MKNK2: variants seen among roughly 807,000 people sequenced by gnomAD.
The protein encoded by MKNK2 is MAP kinase-interacting serine/threonine-protein kinase 2.
A neutral mutation model predicts 55.0 loss-of-function variants in MKNK2; 54 were observed. The ratio of observed to expected loss-of-function variants is 0.98; its 90% CI spans 0.79 to 1.23. The LOEUF is 1.23. MKNK2 is among the 50% of genes most tolerant of loss of function. The pLI is 0.00. For synonymous variants in MKNK2, 323 were observed against 256.0 expected, an observed-to-expected ratio of 1.26 and a Z score of -2.50; for missense variants, 685 against 632.1, an observed-to-expected ratio of 1.08 and a Z score of -0.90.
In MKNK2 at chr19:2,046,232, A is replaced by C; in HGVS notation, c.293T>G (p.Val98Gly). 1 of 1,607,574 alleles carries C rather than the reference A, an allele frequency of 6.2e-7. No homozygotes were observed. Among genetic ancestry groups the C allele is most frequent in the Non-Finnish European group, 8.5e-7 (1 of 1,179,924 alleles). Residue 98 changes from valine (V) to glycine (G), a missense_variant, in exon 5 of 14, where the codon GTG becomes GGG. Val to Gly is a moderately radical substitution (Grantham distance 109). Transcript: ENST00000250896. ...GGTGATCAGGTTGATGCAGGTCTGC[A>C]CTCGGGCATGAGCGCCCTCCCCCAG... ...DVLGEGAHAR[V>G]QTCINLITSQ...
Position 2,039,577 on chromosome 19 carries a change from G to A in MKNK2, c.*36C>T. The A allele has an allele frequency of 1.3e-6, 2 of 1,576,062 alleles. No homozygotes were observed. Among genetic ancestry groups the A allele is most frequent in the Non-Finnish European group, 1.7e-6 (2 of 1,156,602 alleles). ...AAAAAACCTTTAGATTTGATTGGGG[G>A]ACGGGTGACCTATGTACAGAGGGGA... On this transcript the variant is annotated 3_prime_UTR_variant, in exon 14 of 14. Transcript: ENST00000250896.
At chr19:2,045,559 C>T (rs117826174) in intron 5 of MKNK2, among the ~76,000 whole-genome samples, 2,981 of 152,150 alleles carry the variant, frequency 0.02, 50 homozygotes, top group South Asian at 0.04. Context: ...CTAGCCTGGC[C>T]GTCCACCAGG....
chr19:2,039,290 TG>T lies in MKNK2; in HGVS notation c.*322del. 8.4e-7 allele frequency: 1 copy of T among 1,193,712 alleles called. No individual in the cohort carries two copies. Among genetic ancestry groups the T allele is most frequent in the Non-Finnish European group, 1.0e-6 (1 of 957,646 alleles). 73.9% of individuals were successfully genotyped at this position (1,193,712 alleles called of 1,614,324 possible). The stretch of plus-strand genomic sequence containing the variant: ...CAGATGGCGGGCAGCACAGGTGACC[TG>T]GGGGCACCTTCATAGTAGAGGTGAG... On this transcript the variant is annotated 3_prime_UTR_variant, in exon 14 of 14. Coordinates refer to ENST00000250896, the MANE Select transcript of MKNK2 (RefSeq NM_199054.3).
In MKNK2 at chr19:2,046,375, C is replaced by G; in HGVS notation, c.233G>C (p.Arg78Thr). 1.2e-6 allele frequency: 2 copies of G among 1,607,964 alleles called. No individual in the cohort carries two copies. The highest frequency in any genetic ancestry group is 1.7e-6 in the Non-Finnish European group (2 of 1,179,798). Residue 78 changes from arginine (R) to threonine (T), a missense_variant, in exon 4 of 14, where the codon AGG (arginine) becomes ACG (threonine). Physicochemically the swap from Arg to Thr is moderately conservative, Grantham distance 71. Transcript: ENST00000250896. ...RGRATDSFSGRFEDVYQLQED... is the reference protein window; with the variant it reads ...RGRATDSFSGTFEDVYQLQED... ...CCGCCATCCCCGCTCACCTTCAAAC[C>G]TGCCCGAGAAGCTGTCGGTGGCCCG...
Position 2,038,078 on chromosome 19 carries a change from T to A in MKNK2, c.*1535A>T. 2.6e-6 allele frequency: 3 copies of A among 1,167,532 alleles called. No homozygotes were observed. The highest frequency in any genetic ancestry group is 3.2e-5 in the African/African-American group (2 of 62,818). The allele number at this position is 1,167,532 out of a possible 1,614,324, so 72.3% of individuals were successfully genotyped here. ...AGGGGCAGTCCACAGATATGGGCAG[T>A]GGGGACCAGGGAAGGCAGAGCACCC... On this transcript the variant is annotated 3_prime_UTR_variant, in exon 14 of 14. Transcript: ENST00000250896.
At chr19:2,043,815 A>G (rs981535429) in intron 5 of MKNK2, among the ~76,000 whole-genome samples, 1 of 152,008 alleles carries the variant, frequency 6.6e-6, no homozygotes, top group Non-Finnish European at 1.5e-5. Context: ...CTCTACTGAA[A>G]ATATAAAAAT....
Position 2,038,809 on chromosome 19 carries a change from T to C in MKNK2, c.*804A>G. The C allele has an allele frequency of 1.0e-6, 1 of 985,634 alleles. No individual in the cohort carries two copies. The highest frequency in any genetic ancestry group is 1.7e-5 in the African/African-American group (1 of 57,332). The allele number at this position is 985,634 out of a possible 1,614,324, so 61.1% of individuals were successfully genotyped here. On this transcript the variant is annotated 3_prime_UTR_variant, in exon 14 of 14. Coordinates refer to ENST00000250896, the MANE Select transcript of MKNK2 (RefSeq NM_199054.3). Reference sequence around the variant, plus strand: ...TCTGCCTGCTGCGGTGGAAACGGCTTCGGGCCAGGCGGGGCTCCTGCTGTC... The same window carrying C: ...TCTGCCTGCTGCGGTGGAAACGGCTCCGGGCCAGGCGGGGCTCCTGCTGTC...
chr19:2,046,561 G>T (rs771621903), intron 3 of MKNK2, 43 bp downstream of exon 3: 18 of 1,551,240 alleles, frequency 1.2e-5, no homozygotes, highest in Non-Finnish European at 1.5e-5. Flanking sequence ...CCATGGCAGC[G>T]ACAGCAGCTG....
At chr19:2,045,075 C>T (rs1272242808) in intron 5 of MKNK2, among the ~76,000 whole-genome samples, 1 of 152,206 alleles carries the variant, frequency 6.6e-6, no homozygotes, top group Non-Finnish European at 1.5e-5. Context: ...ACCTCCTCCT[C>T]CCACTGCCAC....
At position 2,038,497 on chromosome 19, in the gene MKNK2, C is replaced by T; in HGVS notation, c.*1116G>A. ...ATGGAGGGTGGGGGGACTGAGCAGA[C>T]CCCCGCATTCCTGGGTGCCCGAAGG... On this transcript the variant is annotated 3_prime_UTR_variant, in exon 14 of 14. Transcript: ENST00000250896. 2.0e-6 allele frequency: 2 copies of T among 985,552 alleles called. No homozygotes were observed. The highest frequency in any genetic ancestry group is 1.2e-6 in the Non-Finnish European group (1 of 829,966). The allele number at this position is 985,552 out of a possible 1,614,324, so 61.1% of individuals were successfully genotyped here.
Position 2,042,750 on chromosome 19 carries a change from CG to C in MKNK2, c.598+15del. On this transcript the variant is annotated intron_variant, in intron 8 of 13. Coordinates refer to ENST00000250896, the MANE Select transcript of MKNK2 (RefSeq NM_199054.3). ...GCAGGCGGCCCTAGGAGACTCCGGG[CG>C]GGGTCACCACCTACCTTTGTTATGC... is the stretch of plus-strand genomic sequence containing the variant. 6.4e-7 allele frequency: 1 copy of C among 1,557,796 alleles called. No homozygotes were observed. Among genetic ancestry groups the C allele is most frequent in the Non-Finnish European group, 8.7e-7 (1 of 1,147,814 alleles).
Position 2,050,961 on chromosome 19 carries a change from C to G in MKNK2, c.-96-14G>C, listed in dbSNP as rs1470553929. The G allele has an allele frequency of 4.4e-6, 3 of 689,252 alleles. No homozygotes were observed. The highest frequency in any genetic ancestry group is 6.7e-6 in the Non-Finnish European group (3 of 449,488). 42.7% of individuals were successfully genotyped at this position (689,252 alleles called of 1,614,324 possible). ...GAGGAGGGGACCCTGCGGGCGGGAGCAGACAAAGGGAGGGCGGTGAGCGGA... is the reference window on the plus strand; with the variant it reads ...GAGGAGGGGACCCTGCGGGCGGGAGGAGACAAAGGGAGGGCGGTGAGCGGA... On this transcript the variant is annotated splice_polypyrimidine_tract_variant and intron_variant, in intron 1 of 13. Transcript: ENST00000250896.
chr19:2,050,422 A>G (rs1342089405), intron 2 of MKNK2, among the ~76,000 whole-genome samples: 2 of 152,148 alleles, frequency 1.3e-5, no homozygotes, highest in African/African-American at 4.8e-5. Flanking sequence ...CTTGCAGGGG[A>G]CACCCCCCAT....
rs199520689 is a variant in MKNK2, at chr19:2,037,847, AAAAC to A, written c.*1762_*1765del. On this transcript the variant is annotated 3_prime_UTR_variant, in exon 14 of 14. Coordinates refer to ENST00000250896, the MANE Select transcript of MKNK2 (RefSeq NM_199054.3). ...TGTCCCACCTTCAGAAAAAAAAAAA[AAAAC>A]AAACAAACAAACGCTGCTAGCCACT... is the stretch of plus-strand genomic sequence containing the variant. The A allele has an allele frequency of 2.5e-3, 3,734 of 1,512,236 alleles. 35 individuals carry two copies. The African/African-American group carries it at 0.036, about 15-fold the overall frequency. 93.7% of individuals were successfully genotyped at this position (1,512,236 alleles called of 1,614,324 possible).
chr19:2,046,437 C>T lies in MKNK2; in HGVS notation c.171G>A (p.Pro57=), dbSNP rs150650662. Residue 57 remains proline, a synonymous_variant, in exon 4 of 14, where the codon CCG becomes CCA. Transcript: ENST00000250896. ...DMPASQPIDI[P]DAKKRGKKKK... ...TCTTCTTGCCCCTCTTCTTGGCGTCCGGGATGTCAATGGGCTGGCTGGCGG... is the reference window on the plus strand; with the variant it reads ...TCTTCTTGCCCCTCTTCTTGGCGTCTGGGATGTCAATGGGCTGGCTGGCGG... The T allele has an allele frequency of 4.3e-5, 70 of 1,609,326 alleles. No individual in the cohort carries two copies. In the East Asian group the frequency reaches 1.5e-3, roughly 34 times the overall value.
At chr19:2,049,541 G>A (rs554632121) in intron 2 of MKNK2, among the ~76,000 whole-genome samples, 6 of 152,328 alleles carry the variant, frequency 3.9e-5, no homozygotes, top group East Asian at 1.9e-4. Flanking sequence ...CAGTGTGGGC[G>A]GTCCTGGTCC....
At chr19:2,043,452 T>C in intron 6 of MKNK2, 51 bp downstream of exon 6, 2 of 1,533,856 alleles carry the variant, frequency 1.3e-6, no homozygotes, top group South Asian at 1.1e-5. Flanking sequence ...AGGCCCTTCA[T>C]CCACTGAAAG....
In MKNK2 at chr19:2,038,658, G is replaced by T; in HGVS notation, c.*955C>A. ...GGAGCTGACGGAGCTTCCAGGTCAG[G>T]CCCGAGGGGCGGCGCGAGGCAGGAC... On this transcript the variant is annotated 3_prime_UTR_variant, in exon 14 of 14. Coordinates refer to ENST00000250896, the MANE Select transcript of MKNK2 (RefSeq NM_199054.3). 1 of 985,296 alleles carries T rather than the reference G, an allele frequency of 1.0e-6. No homozygotes were observed. The allele number at this position is 985,296 out of a possible 1,614,324, so 61.0% of individuals were successfully genotyped here.
chr19:2,050,749 G>A (rs1449916758), intron 2 of MKNK2, 52 bp downstream of exon 2: 2 of 1,503,046 alleles, frequency 1.3e-6, no homozygotes, highest in Admixed American at 2.0e-5. Flanking sequence ...CCCCACGCCG[G>A]CCATTCCGGT....
Sources: allele counts gnomAD v4.1 joint callset (sites outside exome capture counted in the v4.1 genomes callset), GRCh38; gene constraint gnomAD v4.1.1; transcripts MANE v1.5; gene names NCBI Gene and HGNC (gene_info 2026-07-23, HGNC 2026-07-21).